Variants in GSS observed in about 807,000 individuals in gnomAD.
GSS encodes the protein GSH synthetase.
Under a neutral mutation model 60.4 loss-of-function variants are expected in GSS, and 34 were observed. The observed-to-expected ratio is 0.56, with a 90% CI of 0.43 to 0.75. The LOEUF is 0.75. GSS is among the 30% of genes least tolerant of loss of function. GSS has a pLI of 0.00. For missense variants in GSS, 499 were observed against 595.1 expected, an observed-to-expected ratio of 0.84 and a Z score of 1.68; for synonymous variants, 224 against 239.0, an observed-to-expected ratio of 0.94 and a Z score of 0.58.
At chr20:34,930,751 A>G (rs1451191380) in intron 11 of GSS, among the ~76,000 whole-genome samples, 2 of 152,250 alleles carry the variant, frequency 1.3e-5, no homozygotes, top group East Asian at 3.9e-4. Flanking sequence ...TTCTCAGTAT[A>G]TATTCAAGGC....
intron 12 of GSS, 88 bp from the exon 13 acceptor site, chr20:34,929,039 G>GT: frequency 6.6e-7 from 1 of 1,504,324 alleles, no homozygotes; most frequent in Non-Finnish European, 9.2e-7. Flanking sequence ...CAGTACCTGG[G>GT]TAACTGTCTA....
chr20:34,932,989 G>A (rs111867911), intron 9 of GSS, among the ~76,000 whole-genome samples: 4 of 152,178 alleles, frequency 2.6e-5, no homozygotes, highest in African/African-American at 4.8e-5. Flanking sequence ...GGGACTACAG[G>A]TGCACGCCAC....
At chr20:34,939,039 G>C in intron 6 of GSS, among the ~76,000 whole-genome samples, 1 of 152,152 alleles carries the variant, frequency 6.6e-6, no homozygotes, top group East Asian at 1.9e-4. Flanking sequence ...TCGGGAGTTT[G>C]AGACCAGCCT....
chr20:34,952,201 C>T (rs2081574647), intron 1 of GSS: 1 of 369,092 alleles, frequency 2.7e-6, no homozygotes, highest in African/African-American at 2.1e-5. Context: ...TCTCTGGACT[C>T]CCAGCCTAAA....
intron 6 of GSS, among the ~76,000 whole-genome samples, chr20:34,938,327 G>T (rs1337843078): frequency 6.6e-6 from 1 of 152,096 alleles, no homozygotes; most frequent in Non-Finnish European, 1.5e-5. Context: ...GAACCTCTTA[G>T]TCTAAACTCT....
chr20:34,939,567 T>C (rs1485713940), intron 6 of GSS, among the ~76,000 whole-genome samples: 1 of 152,220 alleles, frequency 6.6e-6, no homozygotes, highest in Non-Finnish European at 1.5e-5. Flanking sequence ...TGTGTAACTT[T>C]GGGCAAGTTA....
Position 34,931,992 on chromosome 20 carries a change from C to T in GSS, c.976G>A (p.Glu326Lys). The T allele has an allele frequency of 6.2e-7, 1 of 1,614,230 alleles. No individual in the cohort carries two copies. The stretch of plus-strand genomic sequence containing the variant: ...GTGGCGCGGAGGCGGGCCACAGCCT[C>T]AGGCTGGCCAGGGAGCAACATCTCC... ...MLEMLLPGQP[E>K]AVARLRATFA... The change falls in exon 10 of 13, where the codon GAG (glutamate) becomes AAG (lysine). Residue 326 changes from glutamate (E) to lysine (K), a missense_variant. By Grantham distance (56) the Glu-to-Lys change is moderately conservative. Coordinates refer to ENST00000651619, the MANE Select transcript of GSS (RefSeq NM_000178.4).
chr20:34,951,119 A>C (rs895822937), intron 2 of GSS, among the ~76,000 whole-genome samples: 3 of 152,200 alleles, frequency 2.0e-5, no homozygotes, highest in Non-Finnish European at 4.4e-5. Flanking sequence ...ACATGAGTAG[A>C]GGGAAGCTAA....
chr20:34,934,699 T>C (rs1331384534), intron 9 of GSS, among the ~76,000 whole-genome samples: 1 of 152,142 alleles, frequency 6.6e-6, no homozygotes, highest in Non-Finnish European at 1.5e-5. Flanking sequence ...AGCCTCCTCA[T>C]GTGGAGCTCA....
At chr20:34,947,740 A>G (rs766352910) in intron 2 of GSS, among the ~76,000 whole-genome samples, 2 of 152,148 alleles carry the variant, frequency 1.3e-5, no homozygotes, top group Non-Finnish European at 2.9e-5. Context: ...AGGATATACC[A>G]TAATTTATTG....
intron 2 of GSS, 89 bp downstream of exon 2, chr20:34,951,635 G>A (rs1248581234): frequency 1.4e-6 from 2 of 1,390,174 alleles, no homozygotes; most frequent in South Asian, 2.5e-5. Flanking sequence ...AAAGAGATAT[G>A]GTCCCTGATG....
chr20:34,930,439 T>G (rs995221117), intron 11 of GSS, among the ~76,000 whole-genome samples: 9 of 151,954 alleles, frequency 5.9e-5, no homozygotes, highest in African/African-American at 2.2e-4. Context: ...TACCCCTGAG[T>G]CATATTTAAC....
rs750088135 is a variant in GSS at position 34,929,474 on chromosome 20, G to A, written c.1228C>T (p.Leu410=). ...CGGGCAGGGCTGCCAGGCCGTAGCAGGCAATTCTCAAAAGGCTCAGGTTCG... is the reference window on the plus strand; with the variant it reads ...CGGGCAGGGCTGCCAGGCCGTAGCAAGCAATTCTCAAAAGGCTCAGGTTCG... ...KIEPEPFENC[L]LRPGSPARVV... is the part of the protein sequence containing the mutation. Residue 410 remains leucine (L), a synonymous_variant, in exon 12 of 13, where the codon CTG becomes TTG. Coordinates refer to ENST00000651619, the MANE Select transcript of GSS (RefSeq NM_000178.4). The A allele has an allele frequency of 1.2e-6, 2 of 1,614,172 alleles. No individual in the cohort carries two copies. Among genetic ancestry groups the A allele is most frequent in the Non-Finnish European group, 8.5e-7 (1 of 1,179,996 alleles).
At position 34,931,393 on chromosome 20, in the gene GSS, C is replaced by T. The variant is rs143974068; in HGVS notation, c.1054G>A (p.Ala352Thr). The T allele has an allele frequency of 2.1e-4, 342 of 1,614,146 alleles. No individual in the cohort carries two copies. Among genetic ancestry groups the T allele is most frequent in the Non-Finnish European group, 2.8e-4 (328 of 1,179,972 alleles). The change falls in exon 11 of 13, where the codon GCC (alanine) becomes ACC (threonine). Residue 352 changes from alanine (A) to threonine (T), a missense_variant. Physicochemically the swap from Ala to Thr is moderately conservative, Grantham distance 58. Transcript: ENST00000651619. The stretch of plus-strand genomic sequence containing the variant: ...CGGCTAGGGGCAGCAAGGGCCTCGG[C>T]GATGGCCTGGTCCCCTTCTTCACCC... Reference protein sequence around the residue: ...DVGEEGDQAIAEALAAPSRFV... With the variant: ...DVGEEGDQAITEALAAPSRFV...
rs1333647302 is a variant in GSS at position 34,928,800 on chromosome 20, T to C, written c.*28A>G. ...GGAGAGGAATGACAAATACAGAGGA[T>C]AGAAGGTCCCGTGGCCTGGTTGTGC... On this transcript the variant is annotated 3_prime_UTR_variant, in exon 13 of 13. Coordinates refer to ENST00000651619, the MANE Select transcript of GSS (RefSeq NM_000178.4). 2.5e-6 allele frequency: 4 copies of C among 1,613,552 alleles called. No homozygotes were observed. The highest frequency in any genetic ancestry group is 2.7e-5 in the African/African-American group (2 of 74,908).
Position 34,941,801 on chromosome 20 carries a change from T to C in GSS, c.520A>G (p.Lys174Glu). ...RHVLSVLSKT[K>E]EAGKILSNNP... ...TTAGAGAGGATCTTGCCAGCTTCTT[T>C]GGTCTTACTCAGGACACTGAGAACA... The change falls in exon 6 of 13, where the codon AAA becomes GAA. Residue 174 changes from lysine (K) to glutamate (E), a missense_variant. By Grantham distance (56) the Lys-to-Glu change is moderately conservative (BLOSUM62 1). Transcript: ENST00000651619. The C allele has an allele frequency of 6.2e-7, 1 of 1,610,048 alleles. No homozygotes were observed. The highest frequency in any genetic ancestry group is 8.5e-7 in the Non-Finnish European group (1 of 1,177,846).
chr20:34,953,882 C>T (rs373927269), intron 1 of GSS, among the ~76,000 whole-genome samples: 16 of 152,326 alleles, frequency 1.1e-4, no homozygotes, highest in South Asian at 1.0e-3. Context: ...GCTGGGATTA[C>T]AGGCGTGAGC....
At chr20:34,945,839 AC>A in intron 3 of GSS, 113 bp downstream of exon 3, 1 of 1,124,056 alleles carries the variant, frequency 8.9e-7, no homozygotes, top group East Asian at 2.4e-5. Context: ...CTTTGGAGGT[AC>A]CTTTCCTCTA....
Position 34,936,826 on chromosome 20 carries a change from A to G in GSS, c.704T>C (p.Ile235Thr). 6.2e-7 allele frequency: 1 copy of G among 1,614,124 alleles called. No homozygotes were observed. Among genetic ancestry groups the G allele is most frequent in the Non-Finnish European group, 8.5e-7 (1 of 1,179,978 alleles). The change falls in exon 8 of 13, where the codon ATC becomes ACC. Residue 235 changes from isoleucine (I) to threonine (T), a missense_variant. Transcript: ENST00000651619. ...AGAGATATCTTCAAATGTTCGTCGGATCACATGGATGTTCCTGGGAAAAAT... is the reference window on the plus strand; with the variant it reads ...AGAGATATCTTCAAATGTTCGTCGGGTCACATGGATGTTCCTGGGAAAAAT... The part of the protein sequence containing the change: ...NELLARNIHV[I>T]RRTFEDISEK...
Sources: gnomAD v4.1 joint callset for allele counts (sites outside exome capture counted in the v4.1 genomes callset) on GRCh38, gnomAD v4.1.1 for gene constraint, MANE v1.5 for transcripts, NCBI Gene and HGNC (gene_info 2026-07-23, HGNC 2026-07-21) for gene names.